The following EIF4G3 variants were observed in gnomAD, a reference collection of about 807,000 sequenced individuals.
EIF4G3 encodes eukaryotic translation initiation factor 4 gamma 3.
A neutral mutation model predicts 186.4 loss-of-function variants in EIF4G3; 34 were observed. The ratio of observed to expected loss-of-function variants is 0.18; its 90% confidence interval spans 0.14 to 0.24. The LOEUF is 0.24. Ranked by LOEUF, EIF4G3 falls within the 10% of genes least tolerant of loss-of-function variation. The pLI, the probability that EIF4G3 is intolerant of heterozygous loss-of-function variation, is 1.00. For missense variants in EIF4G3, 1,536 were observed against 1,948.5 expected, an observed-to-expected ratio of 0.79 and a Z score of 3.99; for synonymous variants, 673 against 679.5, an observed-to-expected ratio of 0.99 and a Z score of 0.15.
intron 20 of EIF4G3, among the ~76,000 whole-genome samples, chr1:20,868,766 C>T (rs1268282926): frequency 2.0e-5 from 3 of 152,076 alleles, no homozygotes; most frequent in East Asian, 1.9e-4. Context: ...GCAAGGGAGT[C>T]GGTGAGAATG....
intron 2 of EIF4G3, among the ~76,000 whole-genome samples, chr1:21,143,360 G>GAAGGAAAGGA (rs201692829): frequency 6.6e-6 from 1 of 150,806 alleles, no homozygotes; most frequent in East Asian, 1.9e-4. Flanking sequence ...AGGAGAAAGA[G>GAAGGAAAGGA]AAGGAAAGGA....
intron 11 of EIF4G3, among the ~76,000 whole-genome samples, chr1:20,972,709 G>A (rs764162020): frequency 1.9e-4 from 29 of 152,220 alleles, no homozygotes; most frequent in Non-Finnish European, 4.0e-4. Context: ...CTCACACTGA[G>A]TAAAACCTTA....
chr1:20,858,951 G>A (rs1358190199), intron 24 of EIF4G3, among the ~76,000 whole-genome samples: 9 of 152,172 alleles, frequency 5.9e-5, no homozygotes, highest in African/African-American at 1.4e-4. Context: ...AGCCGAGATC[G>A]CGCTACTGCA....
At chr1:21,162,249 G>A (rs569593596) in intron 2 of EIF4G3, among the ~76,000 whole-genome samples, 9 of 151,996 alleles carry the variant, frequency 5.9e-5, no homozygotes, top group East Asian at 5.8e-4. Context: ...TCAGGAGTTC[G>A]AGCCCAGCCC....
intron 33 of EIF4G3, among the ~76,000 whole-genome samples, chr1:20,824,418 TCTTAG>T (rs1467666071): frequency 6.6e-6 from 1 of 152,236 alleles, no homozygotes; most frequent in African/African-American, 2.4e-5. Context: ...TTGTTGGCTG[TCTTAG>T]CTTTAGTTTT....
At chr1:20,828,793 A>C (rs1248316027) in intron 31 of EIF4G3, among the ~76,000 whole-genome samples, 2 of 152,186 alleles carry the variant, frequency 1.3e-5, no homozygotes, top group Non-Finnish European at 2.9e-5. Context: ...CAGTCTGACA[A>C]GTTACAATGG....
intron 7 of EIF4G3, among the ~76,000 whole-genome samples, chr1:20,990,265 T>C (rs1004406125): frequency 1.2e-4 from 18 of 152,174 alleles, no homozygotes; most frequent in African/African-American, 4.3e-4. Flanking sequence ...ATCTCAATCC[T>C]CAGCAACCAC....
At chr1:21,071,403 G>A (rs1020011749) in intron 3 of EIF4G3, among the ~76,000 whole-genome samples, 1 of 152,144 alleles carries the variant, frequency 6.6e-6, no homozygotes, top group Non-Finnish European at 1.5e-5. Flanking sequence ...ACAACAGGGT[G>A]AGAACCTGTC....
At chr1:20,974,229 G>A (rs1252072319) in intron 10 of EIF4G3, among the ~76,000 whole-genome samples, 1 of 152,064 alleles carries the variant, frequency 6.6e-6, no homozygotes, top group Non-Finnish European at 1.5e-5. Flanking sequence ...ATCCATTCTG[G>A]AATTCACAGA....
chr1:21,012,565 T>C (rs190847712), intron 4 of EIF4G3, among the ~76,000 whole-genome samples: 364 of 152,236 alleles, frequency 2.4e-3, no homozygotes, highest in Non-Finnish European at 4.5e-3. Context: ...CCGACCAAAG[T>C]ACCTTTGTAA....
intron 3 of EIF4G3, among the ~76,000 whole-genome samples, chr1:21,054,335 A>G (rs1361790615): frequency 7.6e-6 from 1 of 131,838 alleles, no homozygotes; most frequent in Non-Finnish European, 1.7e-5. Context: ...AACACTGCGG[A>G]AGGCCGCAGG....
chr1:21,129,858 T>C (rs1474635302), intron 2 of EIF4G3, among the ~76,000 whole-genome samples: 5 of 151,834 alleles, frequency 3.3e-5, no homozygotes, highest in Non-Finnish European at 7.4e-5. Flanking sequence ...CTACCACAAA[T>C]ATAAGACAAA....
intron 16 of EIF4G3, among the ~76,000 whole-genome samples, chr1:20,896,963 C>T (rs1355060563): frequency 1.3e-5 from 2 of 152,150 alleles, no homozygotes; most frequent in Non-Finnish European, 2.9e-5. Context: ...TAGGTTTGTG[C>T]AAATACTCTT....
intron 2 of EIF4G3, among the ~76,000 whole-genome samples, chr1:21,127,412 T>C (rs1236752497): frequency 6.6e-6 from 1 of 152,232 alleles, no homozygotes; most frequent in Non-Finnish European, 1.5e-5. Flanking sequence ...ACAGCACTTA[T>C]CACCATCTGA....
At chr1:21,104,878 C>T (rs1401074206) in intron 2 of EIF4G3, among the ~76,000 whole-genome samples, 1 of 151,190 alleles carries the variant, frequency 6.6e-6, no homozygotes, top group African/African-American at 2.4e-5. Flanking sequence ...ACTACACGCC[C>T]ATAAAAAAAA....
intron 2 of EIF4G3, among the ~76,000 whole-genome samples, chr1:21,123,519 T>A (rs9426650): frequency 0.033 from 4,851 of 148,360 alleles, 270 homozygotes; most frequent in African/African-American, 0.11. Context: ...GGGCCAAGAT[T>A]GCACCACTGC....
At chr1:20,952,783 G>C (rs183168258) in intron 12 of EIF4G3, among the ~76,000 whole-genome samples, 126 of 152,258 alleles carry the variant, frequency 8.3e-4, no homozygotes, top group Middle Eastern at 6.8e-3. Flanking sequence ...CCAGGAGGTG[G>C]AGGTTGCAGT....
At chr1:21,089,747 CAAA>C (rs200574612) in intron 2 of EIF4G3, among the ~76,000 whole-genome samples, 1 of 116,630 alleles carries the variant, frequency 8.6e-6, no homozygotes. Flanking sequence ...ACCTCTCTAC[CAAA>C]AAAAAAAAAA....
intron 31 of EIF4G3, 26 bp downstream of exon 31, chr1:20,829,121 T>C (rs950812923): frequency 1.2e-6 from 2 of 1,611,936 alleles, no homozygotes; most frequent in Non-Finnish European, 1.7e-6. Flanking sequence ...ACCTGATATA[T>C]ATCAAGAGAA....
Sources: gnomAD v4.1 joint callset for allele counts (sites outside exome capture counted in the v4.1 genomes callset) on GRCh38, gnomAD v4.1.1 for gene constraint, MANE v1.5 for transcripts, NCBI Gene and HGNC (gene_info 2026-07-23, HGNC 2026-07-21) for gene names.